The following OSBPL9 variants were observed in gnomAD, a reference collection of about 807,000 sequenced individuals.
OSBPL9 encodes the protein oxysterol-binding protein-related protein 9.
OSBPL9 carries 40 observed loss-of-function variants against 106.6 expected under a neutral mutation model. The ratio of observed to expected loss-of-function variants is 0.38; its 90% CI spans 0.29 to 0.49. The LOEUF is 0.49. Ranked by LOEUF, OSBPL9 falls within the 20% of genes least tolerant of loss-of-function variation. The pLI, the probability that OSBPL9 is intolerant of heterozygous loss-of-function variation, is 0.97. For synonymous variants in OSBPL9, 269 were observed against 295.4 expected (o/e 0.91, Z 0.92); for missense variants, 609 against 887.2 (o/e 0.69, Z 3.98).
chr1:51,617,338 AC>A, intron 1 of OSBPL9, 117 bp downstream of exon 1: 1 of 1,027,768 alleles, frequency 9.7e-7, no homozygotes, highest in Non-Finnish European at 1.4e-6. Flanking sequence ...GTGCCGCCGT[AC>A]GCGAGGGTTC....
At chr1:51,705,149 A>G (rs1035439373) in intron 3 of OSBPL9, among the ~76,000 whole-genome samples, 5 of 151,606 alleles carry the variant, frequency 3.3e-5, no homozygotes, top group African/African-American at 1.2e-4. Flanking sequence ...TATGTCTGAA[A>G]ATCACTCCAA....
chr1:51,572,786 T>A (rs759674672), upstream of OSBPL9, among the ~76,000 whole-genome samples: 29 of 152,236 alleles, frequency 1.9e-4, no homozygotes, highest in Non-Finnish European at 3.2e-4. Context: ...AGTTTTGAAC[T>A]CCTGTTATTC....
At chr1:51,719,747 G>C (rs960235462) in intron 4 of OSBPL9, among the ~76,000 whole-genome samples, 2 of 152,100 alleles carry the variant, frequency 1.3e-5, no homozygotes, top group African/African-American at 2.4e-5. Flanking sequence ...CATAAAGCCA[G>C]GTGTAAATTT....
chr1:51,519,764 C>A, the OSBPL9 span, among the ~76,000 whole-genome samples: 3 of 152,202 alleles, frequency 2.0e-5, no homozygotes, highest in Non-Finnish European at 4.4e-5. Flanking sequence ...AAATAAGTGT[C>A]TTACTAAGGT....
chr1:51,591,408 G>T (rs1274105794), intron 1 of OSBPL9, among the ~76,000 whole-genome samples: 1 of 152,144 alleles, frequency 6.6e-6, no homozygotes, highest in Non-Finnish European at 1.5e-5. Context: ...CAGATGAATG[G>T]TTAAGCCATT....
At chr1:51,594,480 C>T (rs562987302) in intron 1 of OSBPL9, among the ~76,000 whole-genome samples, 77 of 152,138 alleles carry the variant, frequency 5.1e-4, no homozygotes, top group African/African-American at 1.7e-3. Flanking sequence ...CAATCAATGA[C>T]CCCCTTTTTC....
At chr1:51,566,953 G>T in the OSBPL9 span, among the ~76,000 whole-genome samples, 7 of 152,208 alleles carry the variant, frequency 4.6e-5, no homozygotes, top group Admixed American at 6.5e-5. Context: ...AAGGCCTTGG[G>T]TGTGAAACAC....
chr1:51,733,476 G>A (rs1664926034), intron 4 of OSBPL9, among the ~76,000 whole-genome samples: 1 of 152,144 alleles, frequency 6.6e-6, no homozygotes, highest in Admixed American at 6.5e-5. Context: ...TAGAAACAGT[G>A]CTAAAAATGG....
intron 3 of OSBPL9, chr1:51,707,484 C>A: frequency 5.4e-6 from 1 of 184,144 alleles, no homozygotes; most frequent in Non-Finnish European, 1.1e-5. Context: ...TGGGGATGAC[C>A]TTGCCTACAA....
chr1:51,740,395 T>C (rs1557776198), intron 4 of OSBPL9, among the ~76,000 whole-genome samples: 1 of 151,206 alleles, frequency 6.6e-6, no homozygotes, highest in Non-Finnish European at 1.5e-5. Flanking sequence ...TTTTACTAAT[T>C]AAAAAAAAAT....
intron 2 of OSBPL9, among the ~76,000 whole-genome samples, chr1:51,599,953 A>G (rs918923620): frequency 3.9e-5 from 6 of 152,204 alleles, no homozygotes; most frequent in African/African-American, 1.4e-4. Flanking sequence ...GGAGGCAAAA[A>G]GGGATGGACA....
At chr1:51,661,646 T>C (rs1473906225) in intron 2 of OSBPL9, among the ~76,000 whole-genome samples, 12 of 152,036 alleles carry the variant, frequency 7.9e-5, no homozygotes, top group Admixed American at 1.3e-4. Context: ...ACAATGGGGG[T>C]CATAAAAGTG....
chr1:51,640,623 T>C (rs1263098848), intron 1 of OSBPL9, among the ~76,000 whole-genome samples: 1 of 152,152 alleles, frequency 6.6e-6, no homozygotes, highest in Non-Finnish European at 1.5e-5. Flanking sequence ...ATAGCTTGAA[T>C]TGGGACTGAA....
intron 1 of OSBPL9, among the ~76,000 whole-genome samples, chr1:51,593,501 A>C (rs1193548969): frequency 6.6e-6 from 1 of 152,098 alleles, no homozygotes; most frequent in Non-Finnish European, 1.5e-5. Context: ...CTGTTCCCTG[A>C]AGATGCCACT....
chr1:51,559,875 C>T, the OSBPL9 span, among the ~76,000 whole-genome samples: 1 of 151,794 alleles, frequency 6.6e-6, no homozygotes, highest in African/African-American at 2.4e-5. Context: ...AAAAAAATAA[C>T]AATGCAAAGT....
At chr1:51,651,249 C>T (rs560696347) in intron 1 of OSBPL9, among the ~76,000 whole-genome samples, 58 of 152,220 alleles carry the variant, frequency 3.8e-4, no homozygotes, top group African/African-American at 1.3e-3. Context: ...TGGGGAATTG[C>T]AGAGGTAAAG....
intron 3 of OSBPL9, among the ~76,000 whole-genome samples, chr1:51,686,510 G>A (rs1339876690): frequency 2.0e-5 from 3 of 152,324 alleles, no homozygotes; most frequent in East Asian, 1.9e-4. Context: ...TACACTGACT[G>A]TATTAGCAAT....
At chr1:51,767,045 C>T (rs1672710806) in intron 12 of OSBPL9, among the ~76,000 whole-genome samples, 6 of 152,038 alleles carry the variant, frequency 3.9e-5, no homozygotes. Flanking sequence ...CACCACTGCA[C>T]TCTAGCCTGG....
chr1:51,776,084 T>C (rs970429792), intron 14 of OSBPL9, among the ~76,000 whole-genome samples: 3 of 152,250 alleles, frequency 2.0e-5, no homozygotes, highest in Non-Finnish European at 4.4e-5. Flanking sequence ...AATTCTTCTC[T>C]TTTTTTCATT....
Sources: allele counts gnomAD v4.1 joint callset (sites outside exome capture counted in the v4.1 genomes callset), GRCh38; gene constraint gnomAD v4.1.1; transcripts MANE v1.5; gene names NCBI Gene and HGNC (gene_info 2026-07-23, HGNC 2026-07-21).